Variants in PSEN2 observed in about 807,000 individuals in gnomAD.
PSEN2 encodes presenilin 2, also known as presenilin-2.
A neutral mutation model predicts 49.1 loss-of-function variants in PSEN2; 32 were observed. The ratio of observed to expected loss-of-function variants is 0.65; its 90% CI spans 0.49 to 0.88. The LOEUF is 0.88. Among genes scored for constraint, PSEN2 ranks in the 40% least tolerant of loss-of-function variants. PSEN2 has a pLI of 0.00. For missense variants in PSEN2, 522 were observed against 586.9 expected (o/e 0.89, Z 1.14); for synonymous variants, 255 against 244.0 (o/e 1.05, Z -0.42).
At chr1:226,888,270 C>A in intron 7 of PSEN2, 112 bp downstream of exon 7, 1 of 1,028,314 alleles carries the variant, frequency 9.7e-7, no homozygotes, top group Non-Finnish European at 1.5e-6. Flanking sequence ...TCCAGTCTTC[C>A]CCAGTGCCAG....
At chr1:226,870,819 G>C (rs940809258) in intron 1 of PSEN2, 170 bp downstream of exon 1, 4 of 152,682 alleles carry the variant, frequency 2.6e-5, no homozygotes, top group African/African-American at 9.7e-5. Flanking sequence ...AGCGCTCCTG[G>C]CCTCTGCGGC....
chr1:226,897,019 TGTG>T (rs1360726258), downstream of PSEN2, among the ~76,000 whole-genome samples: 2 of 151,902 alleles, frequency 1.3e-5, no homozygotes, highest in Non-Finnish European at 2.9e-5. Context: ...CAGAGGAAAA[TGTG>T]GTGCCCTAAG....
chr1:226,888,018 C>G lies in PSEN2; in HGVS notation c.499-73C>G, dbSNP rs2102682233. ...AGAGCATTCAGGCTTGGGTATCAGT[C>G]TCAGGATCCTGGGGGCCTTAGAATT... On this transcript the variant is annotated intron_variant, in intron 6 of 12. Coordinates refer to ENST00000366783, the MANE Select transcript of PSEN2 (RefSeq NM_000447.3). The G allele has an allele frequency of 5.5e-6, 7 of 1,270,146 alleles. No individual in the cohort carries two copies. In the South Asian group the frequency reaches 6.0e-5, roughly 11 times the overall value. 78.7% of individuals were successfully genotyped at this position (1,270,146 alleles called of 1,614,324 possible).
chr1:226,894,723 C>T (rs909690016), intron 12 of PSEN2, among the ~76,000 whole-genome samples: 3 of 152,234 alleles, frequency 2.0e-5, no homozygotes, highest in Admixed American at 6.5e-5. Flanking sequence ...GGAGGAGGAG[C>T]GTCTGAGCCG....
intron 3 of PSEN2, among the ~76,000 whole-genome samples, chr1:226,876,099 C>G (rs569202145): frequency 9.5e-4 from 144 of 152,300 alleles, no homozygotes; most frequent in Non-Finnish European, 1.7e-3. Flanking sequence ...GCCCCACCCC[C>G]ACCTGCCCGT....
chr1:226,882,742 C>G (rs868042352), intron 4 of PSEN2, among the ~76,000 whole-genome samples: 4 of 152,182 alleles, frequency 2.6e-5, no homozygotes, highest in Non-Finnish European at 5.9e-5. Flanking sequence ...TCCTTGAGAA[C>G]GGAACCATCG....
At chr1:226,894,592 G>A (rs897775577) in intron 12 of PSEN2, among the ~76,000 whole-genome samples, 5 of 152,216 alleles carry the variant, frequency 3.3e-5, no homozygotes, top group African/African-American at 9.7e-5. Flanking sequence ...GGGTGGCCCC[G>A]TTACTGTGAA....
intron 9 of PSEN2, chr1:226,890,658 A>G: frequency 4.5e-6 from 1 of 223,892 alleles, no homozygotes; most frequent in Non-Finnish European, 9.0e-6. Flanking sequence ...TGTGACAGGC[A>G]CTGTGCTAGG....
Position 226,883,904 on chromosome 1 carries a change from A to G in PSEN2, c.341A>G (p.Glu114Gly), listed in dbSNP as rs1661168926. ...ATCAAGTCTGTGCGCTTCTACACAG[A>G]GAAGAATGGACAGCTGTGAGTTGGG... is the stretch of plus-strand genomic sequence containing the variant. ...ATIKSVRFYTEKNGQLIYTPF... is the reference protein window; with the variant it reads ...ATIKSVRFYTGKNGQLIYTPF... Residue 114 changes from glutamate (E) to glycine (G), a missense_variant, in exon 5 of 13, where the codon GAG (glutamate) becomes GGG (glycine). By Grantham distance (98) the Glu-to-Gly change is moderately conservative. Transcript: ENST00000366783. 1.4e-6 allele frequency: 2 copies of G among 1,402,338 alleles called. No homozygotes were observed. The highest frequency in any genetic ancestry group is 1.9e-6 in the Non-Finnish European group (2 of 1,048,228). The allele number at this position is 1,402,338 out of a possible 1,614,324, so 86.9% of individuals were successfully genotyped here.
chr1:226,883,534 C>T (rs991929891), intron 4 of PSEN2, among the ~76,000 whole-genome samples, 171 bp from the exon 5 acceptor site: 4 of 152,258 alleles, frequency 2.6e-5, no homozygotes, highest in African/African-American at 9.6e-5. Flanking sequence ...TCCAAATCTT[C>T]TCTACTTTGT....
rs539565595 is a variant in PSEN2 at position 226,886,559 on chromosome 1, C to T, written c.498+880C>T. Among the ~76,000 whole-genome samples, 171 of 152,332 alleles carry T rather than the reference C, an allele frequency of 1.1e-3. 5 individuals are homozygous for T. In the South Asian group the frequency reaches 0.031, roughly 28 times the overall value. ...CCCAGGTAAGGGGTTGAACCCCTAA[C>T]GATGGAAAGGAAATTAAGCTGGGCA... is the stretch of plus-strand genomic sequence containing the variant. On this transcript the variant is annotated intron_variant, in intron 6 of 12. Coordinates refer to ENST00000366783, the MANE Select transcript of PSEN2 (RefSeq NM_000447.3).
At chr1:226,885,726 C>T in intron 6 of PSEN2, 47 bp downstream of exon 6, 1 of 1,599,212 alleles carries the variant, frequency 6.3e-7, no homozygotes, top group Non-Finnish European at 8.5e-7. Context: ...TCCGTCTGCC[C>T]CACACCATGG....
chr1:226,897,066 T>C (rs1044938472), downstream of PSEN2, among the ~76,000 whole-genome samples: 1 of 151,272 alleles, frequency 6.6e-6, no homozygotes, highest in Non-Finnish European at 1.5e-5. Flanking sequence ...CACTGGCGGG[T>C]GGAATCCCAC....
At chr1:226,877,118 C>T (rs1660681393) in intron 3 of PSEN2, among the ~76,000 whole-genome samples, 2 of 152,186 alleles carry the variant, frequency 1.3e-5, no homozygotes, top group Non-Finnish European at 2.9e-5. Context: ...GGGACACTCA[C>T]CTTGCTGAGA....
intron 1 of PSEN2, 119 bp downstream of exon 1, chr1:226,870,768 G>C (rs1039873333): frequency 6.6e-6 from 1 of 152,380 alleles, no homozygotes; most frequent in African/African-American, 2.4e-5. Context: ...CTCTGGCCAC[G>C]GTCCCTTCCC....
Position 226,883,907 on chromosome 1 carries a change from A to C in PSEN2, c.344A>C (p.Lys115Thr), listed in dbSNP as rs1661169108. The C allele has an allele frequency of 7.3e-7, 1 of 1,373,450 alleles. No individual in the cohort carries two copies. Among genetic ancestry groups the C allele is most frequent in the Non-Finnish European group, 9.7e-7 (1 of 1,027,322 alleles). 85.1% of individuals were successfully genotyped at this position (1,373,450 alleles called of 1,614,324 possible). A position where few individuals can be genotyped will look rare whatever the true frequency, so the allele number is the denominator to read the frequency against. The change falls in exon 5 of 13, where the codon AAG becomes ACG. Residue 115 changes from lysine to threonine, a missense_variant. Transcript: ENST00000366783. ...TIKSVRFYTE[K>T]NGQLIYTPFT... ...AAGTCTGTGCGCTTCTACACAGAGA[A>C]GAATGGACAGCTGTGAGTTGGGGGG...
At chr1:226,879,116 T>C (rs1660815324) in intron 3 of PSEN2, among the ~76,000 whole-genome samples, 1 of 152,198 alleles carries the variant, frequency 6.6e-6, no homozygotes, top group African/African-American at 2.4e-5. Context: ...AAGCGATCTG[T>C]CTGCCTCAGC....
At chr1:226,892,384 T>C (rs908325824) in intron 11 of PSEN2, among the ~76,000 whole-genome samples, 5 of 151,836 alleles carry the variant, frequency 3.3e-5, no homozygotes, top group African/African-American at 1.2e-4. Context: ...AGAGCAGAAG[T>C]GTGGGAGAGC....
chr1:226,889,362 C>T (rs369833300), intron 8 of PSEN2, among the ~76,000 whole-genome samples: 1 of 152,226 alleles, frequency 6.6e-6, no homozygotes. Context: ...CTGCAACCTC[C>T]GCCTCCCGGG....
Sources: gnomAD v4.1 joint callset for allele counts (sites outside exome capture counted in the v4.1 genomes callset) on GRCh38, gnomAD v4.1.1 for gene constraint, MANE v1.5 for transcripts, NCBI Gene and HGNC (gene_info 2026-07-23, HGNC 2026-07-21) for gene names.